RUVBL1: variants seen among roughly 807,000 people sequenced by gnomAD.
The protein encoded by RUVBL1 is RuvB like AAA ATPase 1, also known as ruvB-like 1.
RUVBL1 carries 4 observed loss-of-function variants against 52.4 expected under a neutral mutation model. The ratio of observed to expected loss-of-function variants is 0.08; its 90% CI spans 0.04 to 0.17. The LOEUF is 0.17. Among genes scored for constraint, RUVBL1 ranks in the 10% least tolerant of loss-of-function variants. The probability of loss-of-function intolerance (pLI) is 1.00; values close to 1 mark genes in which losing one functional copy is unlikely to be tolerated. For missense variants in RUVBL1, 298 were observed against 572.8 expected (o/e 0.52, Z 4.90); for synonymous variants, 217 against 214.4 (o/e 1.01, Z -0.10).
chr3:128,076,967 C>T (rs1198730874), downstream of RUVBL1, among the ~76,000 whole-genome samples: 1 of 151,274 alleles, frequency 6.6e-6, no homozygotes, highest in Non-Finnish European at 1.5e-5. This position sits in a 1 kb window ranked among gnomAD's most constrained non-coding sequence, Gnocchi z 6.8. Flanking sequence ...GGCGGCGTGA[C>T]GGTGACGGTG....
intron 1 of RUVBL1, among the ~76,000 whole-genome samples, chr3:128,145,738 G>C (rs1416060558): frequency 6.6e-6 from 1 of 152,090 alleles, no homozygotes; most frequent in African/African-American, 2.4e-5. Context: ...ACAAACTAAG[G>C]AATCTTAGTC....
At chr3:128,075,178 C>T (rs1438223125) in intron 9 of RUVBL1, 1 of 152,220 alleles carries the variant, frequency 6.6e-6, no homozygotes, top group Non-Finnish European at 1.5e-5. Flanking sequence ...ATTTAACATA[C>T]TGTCCTCAGA....
At chr3:128,073,961 A>T (rs1942240241) in intron 9 of RUVBL1, among the ~76,000 whole-genome samples, 1 of 152,250 alleles carries the variant, frequency 6.6e-6, no homozygotes, top group Admixed American at 6.5e-5. Flanking sequence ...GGAAGAATAC[A>T]GAAAGCAAGA....
At chr3:128,136,856 A>G (rs773720326) in intron 1 of RUVBL1, among the ~76,000 whole-genome samples, 28 of 152,200 alleles carry the variant, frequency 1.8e-4, no homozygotes, top group Admixed American at 3.3e-4. Flanking sequence ...CAGCAAGAGG[A>G]TATAACAATT....
At chr3:128,151,180 CATTCTATATATACTCTATAT>C (rs1412713679) in intron 1 of RUVBL1, among the ~76,000 whole-genome samples, 5 of 125,276 alleles carry the variant, frequency 4.0e-5, no homozygotes, top group African/African-American at 1.5e-4. Context: ...ACTCTATATA[CATTCTATATATACTCTATAT>C]ATTCTATATA....
chr3:128,107,625 T>C (rs1943276601), intron 3 of RUVBL1, among the ~76,000 whole-genome samples: 1 of 152,252 alleles, frequency 6.6e-6, no homozygotes, highest in South Asian at 2.1e-4. Flanking sequence ...AGTTTTACTC[T>C]ACCTTCATTC....
intron 5 of RUVBL1, among the ~76,000 whole-genome samples, 185 bp downstream of exon 5, chr3:128,101,374 G>A (rs1233603647): frequency 6.6e-6 from 1 of 152,108 alleles, no homozygotes; most frequent in African/African-American, 2.4e-5. Flanking sequence ...AAAGAATGAA[G>A]ATAAAGGGAA....
intron 9 of RUVBL1, chr3:128,068,957 G>C (rs1290896250): frequency 6.6e-6 from 1 of 152,316 alleles, no homozygotes; most frequent in Non-Finnish European, 1.5e-5. Flanking sequence ...GCAAACTTCA[G>C]ATCATTTTCT....
At position 128,067,175 on chromosome 3, in the gene RUVBL1, G is replaced by A; in HGVS notation, c.940-1955C>T. On this transcript the variant is annotated intron_variant, in intron 9 of 9. Coordinates refer to the RUVBL1 transcript ENST00000464873. The surrounding 1 kb of genome is among the most constrained non-coding windows in gnomAD (Gnocchi z 4.1). ...CGGTAAGTAGGCTCTTTGAAGATGA[G>A]CTAGCAATGCAGCTAAGTTGCAGTG... 5.0e-6 allele frequency: 8 copies of A among 1,605,128 alleles called. No individual in the cohort carries two copies. Among genetic ancestry groups the A allele is most frequent in the Non-Finnish European group, 6.8e-6 (8 of 1,171,830 alleles).
At chr3:128,069,045 GA>G (rs1490819755) in intron 9 of RUVBL1, 2 of 155,878 alleles carry the variant, frequency 1.3e-5, no homozygotes, top group Non-Finnish European at 2.8e-5. Context: ...CTGTGCAGTA[GA>G]AGTAGAATTC....
chr3:128,087,938 G>C, intron 8 of RUVBL1, 130 bp from the exon 9 acceptor site: 2 of 652,356 alleles, frequency 3.1e-6, no homozygotes, highest in South Asian at 3.7e-5. Flanking sequence ...CAGGACCAGA[G>C]TAAACAGACT....
intron 1 of RUVBL1, among the ~76,000 whole-genome samples, chr3:128,133,667 A>G (rs761627341): frequency 1.3e-4 from 20 of 152,380 alleles, no homozygotes; most frequent in Non-Finnish European, 2.5e-4. Context: ...GCTGAAAGTC[A>G]CAGCTTTATT....
chr3:128,153,745 G>A, exon 1 of RUVBL1: 1 of 1,535,148 alleles, frequency 6.5e-7, no homozygotes, highest in East Asian at 2.5e-5. Context: ...GGCCGAGCCC[G>A]AGCCCGGCGA....
chr3:128,086,868 C>T lies in RUVBL1; in HGVS notation c.1119+838G>A, dbSNP rs141089726. The stretch of plus-strand genomic sequence containing the variant: ...TGGCCCTTTGGATAAAGCCCACGCT[C>T]ATACATCCCTGTCGTCTCCCAACTC... On this transcript the variant is annotated intron_variant, in intron 9 of 10. Coordinates refer to ENST00000322623, the MANE Select transcript of RUVBL1 (RefSeq NM_003707.3). 2.3e-3 allele frequency among the ~76,000 whole-genome samples: 347 copies of T among 152,374 alleles called. 3 individuals carry two copies. Among genetic ancestry groups the T allele is most frequent in the African/African-American group, 7.9e-3 (329 of 41,586 alleles).
At chr3:128,129,559 G>T (rs1943845088) in intron 1 of RUVBL1, among the ~76,000 whole-genome samples, 1 of 151,996 alleles carries the variant, frequency 6.6e-6, no homozygotes, top group African/African-American at 2.4e-5. Context: ...ACTAGCAAAA[G>T]AAAAGAAACA....
At chr3:128,104,996 C>T (rs1237202082) in intron 3 of RUVBL1, 72 bp from the exon 4 acceptor site, 2 of 1,525,778 alleles carry the variant, frequency 1.3e-6, no homozygotes, top group Non-Finnish European at 1.8e-6. Flanking sequence ...CCAAAACTTC[C>T]ATGTCACCAG....
Position 128,081,485 on chromosome 3 carries a change from C to T in RUVBL1, c.1212-76G>A. The T allele has an allele frequency of 1.4e-6, 2 of 1,453,422 alleles. No individual in the cohort carries two copies. Among genetic ancestry groups the T allele is most frequent in the African/African-American group, 1.4e-5 (1 of 70,988 alleles). 90.0% of individuals were successfully genotyped at this position (1,453,422 alleles called of 1,614,324 possible). ...AGCACCTTCCCCCCACATCAGTAGG[C>T]AGCACTGGCACCAGGAGCAGAGCCC... is the stretch of plus-strand genomic sequence containing the variant. On this transcript the variant is annotated intron_variant, in intron 10 of 10. Transcript: ENST00000322623. The surrounding 1 kb of genome is among the most constrained non-coding windows in gnomAD (Gnocchi z 4.8).
chr3:128,153,416 T>C (rs1944285958), exon 1 of RUVBL1: 7 of 1,416,680 alleles, frequency 4.9e-6, no homozygotes, highest in Non-Finnish European at 5.5e-6. Context: ...AGCGCGCCGG[T>C]TACGGGGGGG....
At chr3:128,079,684 C>G (rs1197741033), downstream of RUVBL1, among the ~76,000 whole-genome samples, 1 of 152,210 alleles carries the variant, frequency 6.6e-6, no homozygotes, top group East Asian at 1.9e-4. Flanking sequence ...GGGGCCAGGC[C>G]GAGGGAGAAG....
Sources: gnomAD v4.1 joint callset for allele counts (sites outside exome capture counted in the v4.1 genomes callset) on GRCh38, gnomAD v4.1.1 for gene constraint, Gnocchi (gnomAD v3.1) non-coding constraint, MANE v1.5 for transcripts, NCBI Gene and HGNC (gene_info 2026-07-23, HGNC 2026-07-21) for gene names.